Variants in EIF5A observed in about 807,000 individuals in gnomAD.
EIF5A encodes the protein eukaryotic translation initiation factor 5A-1.
EIF5A carries 1 observed loss-of-function variant against 16.6 expected under a neutral mutation model. The observed-to-expected ratio is 0.06, with a 90% confidence interval of 0.02 to 0.28. EIF5A has a LOEUF of 0.28. Ranked by LOEUF, EIF5A falls within the 10% of genes least tolerant of loss-of-function variation. The pLI is 1.00. For synonymous variants in EIF5A, 80 were observed against 73.6 expected, an observed-to-expected ratio of 1.09 and a Z score of -0.44; for missense variants, 29 against 196.1, an observed-to-expected ratio of 0.15 and a Z score of 5.09.
chr17:7,310,778 G>C (rs1452200163), intron 2 of EIF5A: 4 of 985,232 alleles, frequency 4.1e-6, no homozygotes, highest in Non-Finnish European at 4.8e-6. Context: ...TCTTCTCCAA[G>C]CCTGCCATGC....
In EIF5A at chr17:7,312,224, C is replaced by T. The variant is rs2072853500; in HGVS notation, c.*414C>T. On this transcript the variant is annotated 3_prime_UTR_variant, in exon 6 of 6. Coordinates refer to ENST00000336458, the MANE Select transcript of EIF5A (RefSeq NM_001970.5). ...GTCTGGTCCCCTGTTGCCTATAGCC[C>T]TTTACCCTGAGCACCACCCCAACAG... is the stretch of plus-strand genomic sequence containing the variant. The T allele has an allele frequency of 5.6e-6, 1 of 178,496 alleles. No individual in the cohort carries two copies. The highest frequency in any genetic ancestry group is 1.3e-5 in the Non-Finnish European group (1 of 75,646). The allele number at this position is 178,496 out of a possible 1,614,324, so 11.1% of individuals were successfully genotyped here. A position where few individuals can be genotyped will look rare whatever the true frequency, so the allele number is the denominator to read the frequency against.
In EIF5A at chr17:7,307,648, C is replaced by T. The variant is rs2072663155; in HGVS notation, c.-126C>T. On this transcript the variant is annotated 5_prime_UTR_variant, in exon 1 of 6. Transcript: ENST00000336458. ...CCTGCGTACTAAGACCCGTGTGCAGCAGCGGCGGCGGCGGTAGAGGCGGCG... is the reference window on the plus strand; with the variant it reads ...CCTGCGTACTAAGACCCGTGTGCAGTAGCGGCGGCGGCGGTAGAGGCGGCG... 9.5e-7 allele frequency: 1 copy of T among 1,050,720 alleles called. No individual in the cohort carries two copies. Among genetic ancestry groups the T allele is most frequent in the Non-Finnish European group, 1.1e-6 (1 of 872,472 alleles). The allele number at this position is 1,050,720 out of a possible 1,614,324, so 65.1% of individuals were successfully genotyped here.
chr17:7,307,249 T>C (rs901458132), upstream of EIF5A: 4 of 1,204,130 alleles, frequency 3.3e-6, no homozygotes, highest in Non-Finnish European at 4.5e-6. Context: ...GTGGAAGGGG[T>C]TGTTTAGGAT....
rs1301375896 is a variant in EIF5A, at chr17:7,311,427, G to A, written c.348G>A (p.Glu116=). Residue 116 remains glutamate, a synonymous_variant, in exon 4 of 6, where the codon GAG becomes GAA. Transcript: ENST00000336458. The part of the protein sequence containing the change: ...GEVREDLRLP[E]GDLGKEIEQK... Reference sequence around the variant, plus strand: ...TACGAGAGGACCTTCGTCTCCCTGAGGGAGACCTTGGCAAGGAGATTGAGC... The same window carrying A: ...TACGAGAGGACCTTCGTCTCCCTGAAGGAGACCTTGGCAAGGAGATTGAGC... 5 of 1,613,994 alleles carry A rather than the reference G, an allele frequency of 3.1e-6. No individual in the cohort carries two copies. Among genetic ancestry groups the A allele is most frequent in the Non-Finnish European group, 4.2e-6 (5 of 1,180,034 alleles).
At chr17:7,307,251 G>A (rs376991599), upstream of EIF5A, 74 of 1,229,188 alleles carry the variant, frequency 6.0e-5, no homozygotes, top group Non-Finnish European at 8.1e-5. Context: ...GGAAGGGGTT[G>A]TTTAGGATTC....
At chr17:7,309,185 C>G (rs1421621849) in intron 1 of EIF5A, among the ~76,000 whole-genome samples, 1 of 151,836 alleles carries the variant, frequency 6.6e-6, no homozygotes. Context: ...TCCACCCTCC[C>G]CCCCCCCAAT....
intron 3 of EIF5A, 66 bp downstream of exon 3, chr17:7,311,188 G>A (rs912430186): frequency 2.5e-6 from 4 of 1,588,530 alleles, no homozygotes; most frequent in South Asian, 2.3e-5. Flanking sequence ...TGGGGGATAG[G>A]GACTGACCAG....
chr17:7,308,578 A>G (rs768497703), intron 1 of EIF5A: 2 of 1,350,128 alleles, frequency 1.5e-6, no homozygotes, highest in Non-Finnish European at 2.0e-6. Context: ...AGCCAGGTGT[A>G]AGTGGCACCC....
intron 2 of EIF5A, chr17:7,310,472 G>C (rs576557884): frequency 1.3e-5 from 15 of 1,169,668 alleles, no homozygotes; most frequent in African/African-American, 9.7e-5. Flanking sequence ...TCCTTAATCA[G>C]TTTTTCCATC....
chr17:7,310,669 G>A (rs890766619), intron 2 of EIF5A: 8 of 985,058 alleles, frequency 8.1e-6, no homozygotes, highest in Non-Finnish European at 9.6e-6. Flanking sequence ...CAGTTTCTCA[G>A]CTCCTTCTCC....
intron 1 of EIF5A, chr17:7,308,180 G>A (rs995353945): frequency 6.3e-6 from 2 of 315,580 alleles, no homozygotes; most frequent in Non-Finnish European, 9.9e-6. Context: ...GGGGGGAGGG[G>A]AGGCGGCGTG....
At chr17:7,309,376 A>G (rs1300417254) in intron 1 of EIF5A, among the ~76,000 whole-genome samples, 1 of 152,152 alleles carries the variant, frequency 6.6e-6, no homozygotes, top group Non-Finnish European at 1.5e-5. Flanking sequence ...TTCCTTTCCC[A>G]AGCCACCACT....
At chr17:7,310,260 A>G (rs73977632) in intron 2 of EIF5A, 130,652 of 1,289,044 alleles carry the variant, frequency 0.1, 6,990 homozygotes, top group East Asian at 0.2. Context: ...TTCGTTCCCC[A>G]GTTCTAGCTT....
intron 1 of EIF5A, chr17:7,308,199 C>G (rs1037743424): frequency 4.6e-5 from 47 of 1,012,766 alleles, no homozygotes; most frequent in Non-Finnish European, 5.4e-5. Flanking sequence ...TGGCTCCGGC[C>G]TGGCGCAGTC....
chr17:7,310,105 T>C, intron 2 of EIF5A: 1 of 1,362,498 alleles, frequency 7.3e-7, no homozygotes, highest in Non-Finnish European at 9.6e-7. Context: ...GCTCCTTCCT[T>C]ATTCTTGGTT....
At position 7,310,813 on chromosome 17, in the gene EIF5A, C is replaced by G. The variant is rs555504783; in HGVS notation, c.166-205C>G. 1.8e-5 allele frequency: 18 copies of G among 985,422 alleles called. No homozygotes were observed. In the East Asian group the frequency reaches 1.5e-3, roughly 81 times the overall value. The allele number at this position is 985,422 out of a possible 1,614,324, so 61.0% of individuals were successfully genotyped here. The stretch of plus-strand genomic sequence containing the variant: ...CAGTTTTCTATTGTGCTGTCAACCC[C>G]AATCTCAACGGTGGTTTTTTAGCCT... On this transcript the variant is annotated intron_variant, in intron 2 of 5. Transcript: ENST00000336458.
chr17:7,310,059 T>G, intron 2 of EIF5A: 1 of 1,468,282 alleles, frequency 6.8e-7, no homozygotes, highest in Non-Finnish European at 9.1e-7. Context: ...GCCAATCTCT[T>G]CAATTCATAG....
chr17:7,307,168 T>A, upstream of EIF5A: 1 of 1,530,450 alleles, frequency 6.5e-7, no homozygotes, highest in Non-Finnish European at 8.8e-7. Flanking sequence ...CTGAGACGCA[T>A]GCGTTCTAGA....
chr17:7,308,561 G>T, intron 1 of EIF5A: 1 of 1,351,394 alleles, frequency 7.4e-7, no homozygotes, highest in Non-Finnish European at 9.8e-7. Flanking sequence ...TGTGAAGTGT[G>T]GCGGTCAGCC....
Sources: gnomAD v4.1 joint callset for allele counts (sites outside exome capture counted in the v4.1 genomes callset) on GRCh38, gnomAD v4.1.1 for gene constraint, MANE v1.5 for transcripts, NCBI Gene and HGNC (gene_info 2026-07-23, HGNC 2026-07-21) for gene names.